TRIM27: variants seen among roughly 807,000 people sequenced by gnomAD.
The protein encoded by TRIM27 is tripartite motif containing 27, also known as zinc finger protein RFP.
A neutral mutation model predicts 57.6 loss-of-function variants in TRIM27; 12 were observed. That is an observed-to-expected ratio of 0.21 (90% CI 0.13 to 0.34). The LOEUF is 0.34. Among genes scored for constraint, TRIM27 ranks in the 10% least tolerant of loss-of-function variants. The pLI, the probability that TRIM27 is intolerant of heterozygous loss-of-function variation, is 1.00. For missense variants in TRIM27, 403 were observed against 656.8 expected (o/e 0.61, Z 4.22); for synonymous variants, 266 against 259.0 (o/e 1.03, Z -0.26).
chr6:28,904,199 C>G lies in TRIM27; in HGVS notation c.1413G>C (p.Arg471=). ...CCGAGTAACTCAGACTGAAGTAGGG[C>G]CGGACAGGCCCACAAAAGGTAGCAT... ...FSHATFCGPV[R]PYFSLSYSGG... Residue 471 remains arginine (R), a synonymous_variant, in exon 8 of 8, where the codon CGG becomes CGC. Coordinates refer to ENST00000377199, the MANE Select transcript of TRIM27 (RefSeq NM_006510.5). The surrounding 1 kb of genome is among the most constrained non-coding windows in gnomAD (Gnocchi z 6.1). 6.2e-7 allele frequency: 1 copy of G among 1,613,048 alleles called. No homozygotes were observed.
intron 4 of TRIM27, among the ~76,000 whole-genome samples, chr6:28,909,702 T>C (rs747299040): frequency 1.3e-5 from 2 of 152,242 alleles, no homozygotes; most frequent in Non-Finnish European, 1.5e-5. Context: ...TTGATATTTA[T>C]GGTGGGCAAT....
chr6:28,912,574 A>G (rs1281328440), intron 3 of TRIM27, among the ~76,000 whole-genome samples: 1 of 151,862 alleles, frequency 6.6e-6, no homozygotes, highest in Non-Finnish European at 1.5e-5. Flanking sequence ...ACCACTCCGT[A>G]TCAGTTCATA....
chr6:28,914,059 T>C (rs997518468), intron 3 of TRIM27, among the ~76,000 whole-genome samples: 1 of 149,704 alleles, frequency 6.7e-6, no homozygotes, highest in African/African-American at 2.5e-5. Context: ...TCTTGCTCTG[T>C]TACCCAGGCT....
chr6:28,907,491 C>T, intron 6 of TRIM27: 1 of 703,124 alleles, frequency 1.4e-6, no homozygotes, highest in Non-Finnish European at 2.7e-6. Context: ...TAACCACATG[C>T]CTGAGACTGG....
At chr6:28,911,750 G>C in intron 3 of TRIM27, 32 bp from the exon 4 acceptor site, 1 of 1,609,308 alleles carries the variant, frequency 6.2e-7, no homozygotes, top group Non-Finnish European at 8.5e-7. Context: ...ATAACCATGA[G>C]AAGTCATTTA....
chr6:28,905,891 C>CA (rs1192732515), intron 7 of TRIM27: 3 of 152,202 alleles, frequency 2.0e-5, no homozygotes, highest in African/African-American at 7.2e-5. Flanking sequence ...AGTATTACAG[C>CA]ATCTTGCTAT....
Position 28,908,790 on chromosome 6 carries a change from G to A in TRIM27, c.919+18C>T, listed in dbSNP as rs767434674. 1 of 1,612,868 alleles carries A rather than the reference G, an allele frequency of 6.2e-7. No homozygotes were observed. Among genetic ancestry groups the A allele is most frequent in the Admixed American group, 1.7e-5 (1 of 59,982 alleles). ...CAAGCAACTTTACATCAAAAGCCCA[G>A]TAGGTAGATAAATTTACCTTGGATT... On this transcript the variant is annotated intron_variant, in intron 6 of 7. Transcript: ENST00000377199.
At position 28,903,758 on chromosome 6, in the gene TRIM27, G is replaced by A; in HGVS notation, c.*312C>T. The A allele has an allele frequency of 2.6e-6, 1 of 381,332 alleles. No homozygotes were observed. The highest frequency in any genetic ancestry group is 6.3e-5 in the South Asian group (1 of 15,814). 23.6% of individuals were successfully genotyped at this position (381,332 alleles called of 1,614,324 possible). ...TGAGCCAAGAAGCTGGAAGTATCTT[G>A]AACGGCTCTCCAAATCCAAAGATTA... On this transcript the variant is annotated 3_prime_UTR_variant, in exon 8 of 8. Coordinates refer to ENST00000377199, the MANE Select transcript of TRIM27 (RefSeq NM_006510.5).
chr6:28,913,255 C>CAAAA (rs66466461), intron 3 of TRIM27, among the ~76,000 whole-genome samples: 11 of 105,388 alleles, frequency 1.0e-4, no homozygotes, highest in Non-Finnish European at 2.1e-4. Flanking sequence ...AACTCCATCT[C>CAAAA]AAAAAAAAAA....
chr6:28,915,017 A>C (rs1773498926), intron 3 of TRIM27: 1 of 151,946 alleles, frequency 6.6e-6, no homozygotes, highest in Non-Finnish European at 1.5e-5. Flanking sequence ...ACCTATAATT[A>C]TTTTATTTAA....
In TRIM27 at chr6:28,923,413, C is replaced by A. The variant is rs776464103; in HGVS notation, c.220G>T (p.Val74Leu). 3 of 1,612,118 alleles carry A rather than the reference C, an allele frequency of 1.9e-6. No homozygotes were observed. Among genetic ancestry groups the A allele is most frequent in the Non-Finnish European group, 2.5e-6 (3 of 1,179,500 alleles). Residue 74 changes from valine (V) to leucine (L), a missense_variant, in exon 1 of 8, where the codon GTG becomes TTG. Physicochemically the swap from Val to Leu is conservative, Grantham distance 32. Transcript: ENST00000377199. ...CGCAGCTGCTTTACCAGTTGGGTCA[C>A]GTTGGCCAGGTGCCGGTTGGGCCGC... Reference protein sequence around the residue: ...HMRPNRHLANVTQLVKQLRTE... With the variant: ...HMRPNRHLANLTQLVKQLRTE...
At chr6:28,918,063 T>G (rs1041204744) in intron 3 of TRIM27, among the ~76,000 whole-genome samples, 1 of 152,098 alleles carries the variant, frequency 6.6e-6, no homozygotes, top group East Asian at 1.9e-4. Context: ...CGACCTCAGG[T>G]GATCTGCCCA....
At chr6:28,907,041 G>A (rs1176308742) in intron 7 of TRIM27, 195 bp downstream of exon 7, 1 of 559,806 alleles carries the variant, frequency 1.8e-6, no homozygotes, top group African/African-American at 1.9e-5. Context: ...CTTCAGCTCT[G>A]AGACATTTCA....
In TRIM27 at chr6:28,904,186, G is replaced by C. The variant is rs764991154; in HGVS notation, c.1426C>G (p.Leu476Val). Residue 476 changes from leucine to valine, a missense_variant, in exon 8 of 8, where the codon CTG (leucine) becomes GTG (valine). Physicochemically the swap from Leu to Val is conservative, Grantham distance 32. Coordinates refer to ENST00000377199, the MANE Select transcript of TRIM27 (RefSeq NM_006510.5). The surrounding 1 kb of genome is among the most constrained non-coding windows in gnomAD (Gnocchi z 6.1). ...GCACTTTTCCCTCCCGAGTAACTCA[G>C]ACTGAAGTAGGGCCGGACAGGCCCA... ...FCGPVRPYFS[L>V]SYSGGKSAAP... is the part of the protein sequence containing the mutation. The C allele has an allele frequency of 5.6e-6, 9 of 1,612,938 alleles. No homozygotes were observed. Among genetic ancestry groups the C allele is most frequent in the Admixed American group, 3.3e-5 (2 of 60,002 alleles).
rs771415077 is a variant in TRIM27 at position 28,923,379 on chromosome 6, C to G, written c.254G>C (p.Arg85Pro). The G allele has an allele frequency of 1.2e-6, 2 of 1,612,150 alleles. No homozygotes were observed. Among genetic ancestry groups the G allele is most frequent in the Non-Finnish European group, 8.5e-7 (1 of 1,179,680 alleles). ...CATCTCGCCGCCGGGCCCCGACGGC[C>G]GCTCGGTGCGCAGCTGCTTTACCAG... The part of the protein sequence containing the change: ...TQLVKQLRTE[R>P]PSGPGGEMGV... Residue 85 changes from arginine to proline, a missense_variant, in exon 1 of 8, where the codon CGG (arginine) becomes CCG (proline). Transcript: ENST00000377199.
chr6:28,919,903 A>G, intron 3 of TRIM27, 109 bp downstream of exon 3: 3 of 1,014,734 alleles, frequency 3.0e-6, no homozygotes, highest in Admixed American at 2.8e-5. Context: ...AGCTCTTGCT[A>G]TTCCTGCAGA....
In TRIM27 at chr6:28,920,212, C is replaced by T; in HGVS notation, c.547G>A (p.Val183Ile). ...SLTQMEREKI[V>I]WEFEQLYHSL... ...TGATACAGCTGCTCAAACTCCCAAA[C>T]AATCTTCTCCCTCTCCATCTGGGTT... The change falls in exon 3 of 8, where the codon GTT (valine) becomes ATT (isoleucine). Residue 183 changes from valine to isoleucine, a missense_variant. Physicochemically the swap from Val to Ile is conservative, Grantham distance 29 (BLOSUM62 3). Transcript: ENST00000377199. 5 of 1,611,998 alleles carry T rather than the reference C, an allele frequency of 3.1e-6. No individual in the cohort carries two copies. The highest frequency in any genetic ancestry group is 4.2e-6 in the Non-Finnish European group (5 of 1,178,502).
At position 28,923,322 on chromosome 6, in the gene TRIM27, T is replaced by C; in HGVS notation, c.311A>G (p.Lys104Arg). The stretch of plus-strand genomic sequence containing the variant: ...CATCTGGTCCTCCTCGCAGTACAGC[T>C]TCAGGGGCTCGCGGTGCTTCTCGCA... ...GVCEKHREPL[K>R]LYCEEDQMPI... is the part of the protein sequence containing the mutation. The change falls in exon 1 of 8, where the codon AAG becomes AGG. Residue 104 changes from lysine (K) to arginine (R), a missense_variant. Physicochemically the swap from Lys to Arg is conservative, Grantham distance 26. Transcript: ENST00000377199. The C allele has an allele frequency of 6.2e-7, 1 of 1,612,512 alleles. No homozygotes were observed. Among genetic ancestry groups the C allele is most frequent in the Non-Finnish European group, 8.5e-7 (1 of 1,179,774 alleles).
chr6:28,921,534 G>T (rs928539758), intron 2 of TRIM27, among the ~76,000 whole-genome samples: 1 of 152,168 alleles, frequency 6.6e-6, no homozygotes, highest in East Asian at 1.9e-4. Context: ...CAACAGTGGG[G>T]ATTACACAAA....
Sources: allele counts gnomAD v4.1 joint callset (sites outside exome capture counted in the v4.1 genomes callset), GRCh38; gene constraint gnomAD v4.1.1; non-coding constraint Gnocchi (gnomAD v3.1); transcripts MANE v1.5; gene names NCBI Gene and HGNC (gene_info 2026-07-23, HGNC 2026-07-21).